The following NCALD variants were observed in gnomAD, a reference collection of about 807,000 sequenced individuals.
NCALD encodes neurocalcin delta, also known as neurocalcin-delta.
Under a neutral mutation model 18.6 loss-of-function variants are expected in NCALD, and 10 were observed. That is an observed-to-expected ratio of 0.54 (90% CI 0.33 to 0.91). The LOEUF is 0.91. Ranked by LOEUF, NCALD falls within the 40% of genes least tolerant of loss-of-function variation. The pLI, the probability that NCALD is intolerant of heterozygous loss-of-function variation, is 0.03. For missense variants in NCALD, 184 were observed against 247.6 expected, an observed-to-expected ratio of 0.74 and a Z score of 1.72; for synonymous variants, 88 against 87.4, an observed-to-expected ratio of 1.01 and a Z score of -0.04.
chr8:101,830,469 G>A (rs888810728), intron 4 of NCALD, among the ~76,000 whole-genome samples: 1 of 151,688 alleles, frequency 6.6e-6, no homozygotes, highest in Non-Finnish European at 1.5e-5. Context: ...GCTGAGGCAG[G>A]AGAATCACTT....
chr8:101,871,353 C>T (rs1214293874), intron 4 of NCALD, among the ~76,000 whole-genome samples: 1 of 152,064 alleles, frequency 6.6e-6, no homozygotes, highest in Non-Finnish European at 1.5e-5. Context: ...AAGTTTTTTT[C>T]CAATCAGCCT....
intron 1 of NCALD, among the ~76,000 whole-genome samples, chr8:102,118,748 CT>C (rs1825862122): frequency 6.6e-6 from 1 of 151,046 alleles, no homozygotes; most frequent in Non-Finnish European, 1.5e-5. Context: ...TCCCCACCCC[CT>C]CTCTAACGTC....
chr8:102,063,326 G>C (rs758938206), intron 1 of NCALD, among the ~76,000 whole-genome samples: 8 of 152,078 alleles, frequency 5.3e-5, no homozygotes, highest in Admixed American at 1.3e-4. Flanking sequence ...ATATCATTTG[G>C]CCTATACTTG....
At chr8:101,957,215 C>T (rs1359726495) in intron 2 of NCALD, among the ~76,000 whole-genome samples, 2 of 144,746 alleles carry the variant, frequency 1.4e-5, no homozygotes, top group Non-Finnish European at 3.0e-5. Context: ...GTAATGTTAG[C>T]ATAACAAGTA....
At chr8:101,806,593 ATAG>A (rs1813110267) in intron 4 of NCALD, among the ~76,000 whole-genome samples, 1 of 152,202 alleles carries the variant, frequency 6.6e-6, no homozygotes, top group African/African-American at 2.4e-5. Flanking sequence ...CAGAGAAATG[ATAG>A]TAGATTTAAA....
chr8:101,748,391 AC>A (rs1810514144), intron 1 of NCALD, among the ~76,000 whole-genome samples: 1 of 152,174 alleles, frequency 6.6e-6, no homozygotes, highest in Non-Finnish European at 1.5e-5. Flanking sequence ...TGGTCTAGGG[AC>A]CCAAGTTTAA....
intron 2 of NCALD, among the ~76,000 whole-genome samples, chr8:101,988,169 AAAAAAAAAAAG>A (rs2131970985): frequency 6.1e-5 from 2 of 32,612 alleles, no homozygotes; most frequent in African/African-American, 7.2e-4. Context: ...AAAAAAAAAG[AAAAAAAAAAAG>A]AAAAGAAAAG....
At chr8:101,765,753 A>T (rs1053260761) in intron 1 of NCALD, among the ~76,000 whole-genome samples, 1 of 152,226 alleles carries the variant, frequency 6.6e-6, no homozygotes, top group African/African-American at 2.4e-5. Context: ...GTTAAGCACC[A>T]GGGTGCCCTG....
chr8:101,774,704 A>G (rs1297846544), intron 1 of NCALD, among the ~76,000 whole-genome samples: 2 of 151,932 alleles, frequency 1.3e-5, no homozygotes, highest in Admixed American at 6.6e-5. Context: ...TGAATGTGAG[A>G]AGATCTACCC....
chr8:101,720,936 G>T (rs1350923112), intron 1 of NCALD, among the ~76,000 whole-genome samples: 1 of 152,216 alleles, frequency 6.6e-6, no homozygotes, highest in African/African-American at 2.4e-5. Context: ...GGTGGTAACA[G>T]TGAGGGGACG....
chr8:101,714,793 G>A (rs1292768799), intron 2 of NCALD, among the ~76,000 whole-genome samples: 2 of 149,938 alleles, frequency 1.3e-5, no homozygotes, highest in African/African-American at 2.5e-5. Context: ...TCAGGAGATC[G>A]AGACCATCCT....
At position 101,951,796 on chromosome 8, in the gene NCALD, T is replaced by C. The variant is rs149438000; in HGVS notation, c.-156-35938A>G. ...CATCCTGATCCTCAAGCTACAGAGATGCCTGAGAACTTCTGTGGTCTGTTT... is the reference window on the plus strand; with the variant it reads ...CATCCTGATCCTCAAGCTACAGAGACGCCTGAGAACTTCTGTGGTCTGTTT... On this transcript the variant is annotated intron_variant, in intron 2 of 6. Coordinates refer to the NCALD transcript ENST00000311028. Among the ~76,000 whole-genome samples the C allele has an allele frequency of 2.0e-4, 31 of 152,310 alleles. No homozygotes were observed. The East Asian group carries it at 5.4e-3, about 27-fold the overall frequency.
chr8:101,872,058 G>A (rs957516892), intron 4 of NCALD: 4 of 1,387,158 alleles, frequency 2.9e-6, no homozygotes, highest in Non-Finnish European at 4.1e-6. Context: ...CAAATACCAT[G>A]GGCAGATTCC....
chr8:101,978,174 A>G (rs1464011046), intron 2 of NCALD, among the ~76,000 whole-genome samples: 1 of 151,778 alleles, frequency 6.6e-6, no homozygotes, highest in East Asian at 1.9e-4. Context: ...TTCAAGTTAA[A>G]AAAATATGAT....
intron 4 of NCALD, among the ~76,000 whole-genome samples, chr8:101,851,153 G>A (rs112464489): frequency 0.012 from 1,837 of 152,226 alleles, 19 homozygotes; most frequent in Middle Eastern, 0.037. Context: ...AATCTTACGA[G>A]ATTAGTGTTC....
chr8:102,091,348 A>C (rs1824918208), intron 1 of NCALD, among the ~76,000 whole-genome samples: 1 of 152,244 alleles, frequency 6.6e-6, no homozygotes, highest in South Asian at 2.1e-4. Context: ...ACTATGGTAC[A>C]CCTGTTACTA....
intron 1 of NCALD, among the ~76,000 whole-genome samples, chr8:101,754,193 C>A (rs2130791302): frequency 1.3e-5 from 2 of 152,264 alleles, no homozygotes; most frequent in Middle Eastern, 6.8e-3. Context: ...AGTACAGTAT[C>A]TGGAATAATA....
intron 4 of NCALD, among the ~76,000 whole-genome samples, chr8:101,811,298 G>T (rs747470045): frequency 5.9e-5 from 9 of 152,166 alleles, no homozygotes; most frequent in Non-Finnish European, 8.8e-5. Context: ...GCATAAGAGG[G>T]TCTTGGACCA....
At chr8:101,798,003 G>A (rs1812704852) in intron 4 of NCALD, among the ~76,000 whole-genome samples, 1 of 152,080 alleles carries the variant, frequency 6.6e-6, no homozygotes, top group South Asian at 2.1e-4. Flanking sequence ...TGAGTGAGAG[G>A]AATGTCCTTA....
Sources: allele counts gnomAD v4.1 joint callset (sites outside exome capture counted in the v4.1 genomes callset), GRCh38; gene constraint gnomAD v4.1.1; transcripts MANE v1.5; gene names NCBI Gene and HGNC (gene_info 2026-07-23, HGNC 2026-07-21).